SULF2: variants seen among roughly 807,000 people sequenced by gnomAD.
SULF2 encodes sulfatase 2.
SULF2 carries 52 observed loss-of-function variants against 107.7 expected under a neutral mutation model. That is an observed-to-expected ratio of 0.48 (90% CI 0.39 to 0.61). The LOEUF (loss-of-function observed/expected upper bound fraction) is 0.61. Among genes scored for constraint, SULF2 ranks in the 20% least tolerant of loss-of-function variants. SULF2 has a pLI of 0.00. For missense variants in SULF2, 993 were observed against 1,177.3 expected (o/e 0.84, Z 2.29); for synonymous variants, 460 against 464.3 (o/e 0.99, Z 0.12).
chr20:47,684,014 A>G (rs778712032), intron 6 of SULF2, among the ~76,000 whole-genome samples: 2 of 152,108 alleles, frequency 1.3e-5, no homozygotes, highest in African/African-American at 4.8e-5. Flanking sequence ...TGGGCCATCT[A>G]AGGGCTGTGA....
intron 3 of SULF2, among the ~76,000 whole-genome samples, chr20:47,734,427 A>G (rs1220864152): frequency 6.6e-6 from 1 of 152,234 alleles, no homozygotes; most frequent in Non-Finnish European, 1.5e-5. Context: ...ATAATCTAAA[A>G]GGTTTTGAAT....
chr20:47,676,824 T>C, intron 9 of SULF2: 1 of 677,262 alleles, frequency 1.5e-6, no homozygotes, highest in Non-Finnish European at 2.5e-6. Flanking sequence ...CCAAATTGCA[T>C]GAGTTGGCAA....
At chr20:47,781,501 G>A (rs1358231760) in intron 1 of SULF2, among the ~76,000 whole-genome samples, 2 of 152,146 alleles carry the variant, frequency 1.3e-5, no homozygotes, top group Non-Finnish European at 2.9e-5. Flanking sequence ...TCCAATCAGA[G>A]GGAACCATGG....
rs889869904 is a variant in SULF2 at position 47,663,344 on chromosome 20, C to G, written c.2227+109G>C. The G allele has an allele frequency of 2.2e-5, 34 of 1,573,732 alleles. No homozygotes were observed. The African/African-American group carries it at 3.9e-4, about 18-fold the overall frequency. ...AAGAGGCTGTCCCGAGCACCGTGGACCCCTGGTGTTGGGGACCCCCTTTCT... is the reference window on the plus strand; with the variant it reads ...AAGAGGCTGTCCCGAGCACCGTGGAGCCCTGGTGTTGGGGACCCCCTTTCT... On this transcript the variant is annotated intron_variant, in intron 16 of 20. Transcript: ENST00000688720.
chr20:47,688,755 C>T (rs2088099607), intron 5 of SULF2, among the ~76,000 whole-genome samples: 1 of 152,118 alleles, frequency 6.6e-6, no homozygotes, highest in African/African-American at 2.4e-5. Flanking sequence ...AAAGCCTCCT[C>T]CCCAGAGATC....
chr20:47,771,727 A>G (rs1388035232), intron 1 of SULF2, among the ~76,000 whole-genome samples: 7 of 152,064 alleles, frequency 4.6e-5, no homozygotes, highest in Non-Finnish European at 7.4e-5. Flanking sequence ...GGGGGCAGTG[A>G]TGATGAGGCT....
rs574193346 is a variant in SULF2, at chr20:47,736,810, T to C, written c.308A>G (p.Asn103Ser). ...CTCATTGTTGGTGTAGGTGTTGTGGTTGTGGACGTACTTGCCAGTGAGGAT... is the reference window on the plus strand; with the variant it reads ...CTCATTGTTGGTGTAGGTGTTGTGGCTGTGGACGTACTTGCCAGTGAGGAT... The part of the protein sequence containing the change: ...SSILTGKYVH[N>S]HNTYTNNENC... The change falls in exon 3 of 21, where the codon AAC becomes AGC. Residue 103 changes from asparagine to serine, a missense_variant. Physicochemically the swap from Asn to Ser is conservative, Grantham distance 46. Around this residue, in one of 3 missense-constraint regions of SULF2, gnomAD observed 388 missense variants for 449.2 expected, o/e 0.86. Transcript: ENST00000688720. 1.2e-6 allele frequency: 2 copies of C among 1,614,014 alleles called. No individual in the cohort carries two copies. The highest frequency in any genetic ancestry group is 1.3e-5 in the African/African-American group (1 of 74,992).
intron 11 of SULF2, among the ~76,000 whole-genome samples, chr20:47,667,770 C>T (rs2087325702): frequency 1.3e-5 from 2 of 152,076 alleles, no homozygotes. Context: ...TTGTTGGATC[C>T]CAAGTGACCC....
chr20:47,762,989 C>T (rs796285858), intron 1 of SULF2, among the ~76,000 whole-genome samples: 12 of 152,298 alleles, frequency 7.9e-5, no homozygotes, highest in African/African-American at 2.4e-4. Context: ...AGTTTCTCTC[C>T]GGATGCTGAA....
chr20:47,717,314 T>C (rs987078766), intron 3 of SULF2, among the ~76,000 whole-genome samples: 2 of 152,144 alleles, frequency 1.3e-5, no homozygotes, highest in African/African-American at 2.4e-5. Context: ...CAAAGTCCCC[T>C]TTTCACCGAA....
chr20:47,774,691 G>A (rs1410504658), intron 1 of SULF2, among the ~76,000 whole-genome samples: 2 of 152,138 alleles, frequency 1.3e-5, no homozygotes, highest in Non-Finnish European at 2.9e-5. Context: ...CTATGCAGGG[G>A]CGGTGCAGAG....
At position 47,678,566 on chromosome 20, in the gene SULF2, C is replaced by T; in HGVS notation, c.1193+110G>A. ...GTTGGCATGGCGGGACCTGAGAACC[C>T]CAGCTCCCGACCCTTGGAGACCCCA... On this transcript the variant is annotated intron_variant, in intron 8 of 20. Coordinates refer to ENST00000688720, the MANE Select transcript of SULF2 (RefSeq NM_001387048.1). The surrounding 1 kb of genome is among the most constrained non-coding windows in gnomAD (Gnocchi z 4.5). 5.2e-6 allele frequency: 7 copies of T among 1,348,532 alleles called. No homozygotes were observed. The highest frequency in any genetic ancestry group is 7.1e-6 in the Non-Finnish European group (7 of 984,542). 83.5% of individuals were successfully genotyped at this position (1,348,532 alleles called of 1,614,324 possible).
intron 1 of SULF2, among the ~76,000 whole-genome samples, chr20:47,764,584 T>C (rs1305624957): frequency 2.6e-5 from 4 of 151,738 alleles, no homozygotes; most frequent in Non-Finnish European, 4.4e-5. Flanking sequence ...CGAGAGGGAG[T>C]CCTGGAGGCT....
chr20:47,687,373 C>A (rs186401746), intron 5 of SULF2, among the ~76,000 whole-genome samples: 25 of 152,310 alleles, frequency 1.6e-4, no homozygotes, highest in African/African-American at 5.8e-4. Context: ...GAAAACTTCA[C>A]CTCCTCCAGC....
At chr20:47,731,185 C>CTTTTTTTTTTTTTT (rs199660759) in intron 3 of SULF2, among the ~76,000 whole-genome samples, 2 of 93,332 alleles carry the variant, frequency 2.1e-5, no homozygotes, top group Admixed American at 1.2e-4. Context: ...CCTGTATCTT[C>CTTTTTTTTTTTTTT]TCTTTTTTTT....
intron 1 of SULF2, among the ~76,000 whole-genome samples, chr20:47,757,726 G>T (rs1008735919): frequency 1.3e-5 from 2 of 152,046 alleles, no homozygotes; most frequent in African/African-American, 4.8e-5. Flanking sequence ...CTGATGTGTC[G>T]GTGGCAGCCC....
intron 3 of SULF2, among the ~76,000 whole-genome samples, chr20:47,730,411 T>C (rs1202456360): frequency 1.3e-5 from 2 of 152,186 alleles, no homozygotes; most frequent in African/African-American, 4.8e-5. Flanking sequence ...GGCACTCCAA[T>C]CTAGTTCACC....
chr20:47,778,672 GC>G (rs1389993674), intron 1 of SULF2, among the ~76,000 whole-genome samples: 3 of 152,206 alleles, frequency 2.0e-5, no homozygotes, highest in African/African-American at 7.2e-5. Context: ...CTGTGGCAGA[GC>G]AATGAATATT....
chr20:47,676,647 G>C, intron 9 of SULF2, 24 bp from the exon 10 acceptor site: 1 of 1,547,710 alleles, frequency 6.5e-7, no homozygotes, highest in Non-Finnish European at 8.7e-7. Flanking sequence ...AGCAGGAGCC[G>C]CGGGGCCGGC....
Sources: gnomAD v4.1 joint callset for allele counts (sites outside exome capture counted in the v4.1 genomes callset) on GRCh38, gnomAD v4.1.1 for gene constraint, gnomAD v4.1.1 regional missense constraint, Gnocchi (gnomAD v3.1) non-coding constraint, MANE v1.5 for transcripts, NCBI Gene and HGNC (gene_info 2026-07-23, HGNC 2026-07-21) for gene names.